Variants in MRGPRX3 observed in about 807,000 individuals in gnomAD.
MRGPRX3 encodes the protein mas-related G protein-coupled receptor member X3.
A neutral mutation model predicts 16.5 loss-of-function variants in MRGPRX3; 14 were observed. That is an observed-to-expected ratio of 0.85 (90% confidence interval 0.56 to 1.33). The LOEUF (loss-of-function observed/expected upper bound fraction) is 1.33. Among genes scored for constraint, MRGPRX3 ranks in the 40% most tolerant of loss-of-function variants. MRGPRX3 has a pLI of 0.00. For missense variants in MRGPRX3, 449 were observed against 413.0 expected (o/e 1.09, Z -0.76); for synonymous variants, 199 against 180.1 (o/e 1.10, Z -0.84).
chr11:18,123,934 T>A (rs1848865356), intron 1 of MRGPRX3, among the ~76,000 whole-genome samples: 1 of 152,218 alleles, frequency 6.6e-6, no homozygotes, highest in African/African-American at 2.4e-5. Context: ...CTAGGTTCTT[T>A]ATTCTCTTTG....
At chr11:18,128,694 G>A (rs994003255), upstream of MRGPRX3, among the ~76,000 whole-genome samples, 1 of 152,236 alleles carries the variant, frequency 6.6e-6, no homozygotes, top group African/African-American at 2.4e-5. Flanking sequence ...TTCTTGGCTA[G>A]GAAAGGGAAT....
At chr11:18,127,763 T>C (rs1848916924), upstream of MRGPRX3, among the ~76,000 whole-genome samples, 1 of 152,228 alleles carries the variant, frequency 6.6e-6, no homozygotes, top group South Asian at 2.1e-4. Context: ...AGGCTTCTTC[T>C]CTCAACTTGT....
At chr11:18,136,094 C>G (rs1849005345) in intron 1 of MRGPRX3, among the ~76,000 whole-genome samples, 2 of 152,124 alleles carry the variant, frequency 1.3e-5, no homozygotes, top group Admixed American at 1.3e-4. Context: ...CACTCATGGA[C>G]TCCTCTCATA....
chr11:18,123,342 T>C (rs1848859496), intron 1 of MRGPRX3, among the ~76,000 whole-genome samples: 1 of 152,206 alleles, frequency 6.6e-6, no homozygotes, highest in Admixed American at 6.5e-5. Flanking sequence ...AAGTCTTTAA[T>C]CCATCTTGAA....
chr11:18,137,051 G>A (rs1447372085), intron 1 of MRGPRX3, 127 bp from the exon 2 acceptor site: 3 of 1,017,460 alleles, frequency 2.9e-6, no homozygotes, highest in Non-Finnish European at 4.3e-6. Flanking sequence ...CCTTTTGATA[G>A]GTGACTTATT....
intron 1 of MRGPRX3, among the ~76,000 whole-genome samples, chr11:18,122,114 ATTGCTTGCATGCAAAAAAAT>A: frequency 9.9e-6 from 1 of 101,038 alleles, no homozygotes; most frequent in Non-Finnish European, 2.5e-5. Context: ...AAAAAACTGC[ATTGCTTGCATGCAAAAAAAT>A]CTGCATTGCA....
At chr11:18,123,199 C>T (rs189132835) in intron 1 of MRGPRX3, among the ~76,000 whole-genome samples, 7,732 of 152,156 alleles carry the variant, frequency 0.051, 652 homozygotes, top group African/African-American at 0.18. Flanking sequence ...TCATTAGATC[C>T]CATTTGTCAA....
Position 18,137,295 on chromosome 11 carries a change from G to T in MRGPRX3, c.93G>T (p.Thr31=). The change falls in exon 2 of 2, where the codon ACG becomes ACT. Residue 31 remains threonine (T), a synonymous_variant. Coordinates refer to ENST00000621697, the MANE Select transcript of MRGPRX3 (RefSeq NM_001370464.1). ...GCTACAAGCAGACCCTGAGCTTCAC[G>T]GGGCTGACGTGCATCGTTTCCCTTG... is the stretch of plus-strand genomic sequence containing the variant. ...TPCYKQTLSF[T]GLTCIVSLVA... 1 of 1,614,112 alleles carries T rather than the reference G, an allele frequency of 6.2e-7. No homozygotes were observed. Among genetic ancestry groups the T allele is most frequent in the Non-Finnish European group, 8.5e-7 (1 of 1,180,020 alleles).
chr11:18,122,972 G>A (rs1453336599), intron 1 of MRGPRX3, among the ~76,000 whole-genome samples: 1 of 152,106 alleles, frequency 6.6e-6, no homozygotes, highest in Non-Finnish European at 1.5e-5. Flanking sequence ...TCTTTTGGCT[G>A]CATAAATGTC....
At chr11:18,130,592 G>A (rs1205140743), upstream of MRGPRX3, among the ~76,000 whole-genome samples, 33 of 150,564 alleles carry the variant, frequency 2.2e-4, no homozygotes, top group Admixed American at 2.2e-3. Flanking sequence ...TGACCATATT[G>A]CCAAAAGCAA....
upstream of MRGPRX3, among the ~76,000 whole-genome samples, chr11:18,129,855 G>C (rs1264767151): frequency 2.0e-5 from 3 of 152,154 alleles, no homozygotes; most frequent in African/African-American, 7.2e-5. Context: ...TTTCATACCA[G>C]GGGTGCAGGA....
In MRGPRX3 at chr11:18,125,989, T is replaced by C. The variant is rs535473276; in HGVS notation, c.-152+4825T>C. Among the ~76,000 whole-genome samples the C allele has an allele frequency of 3.3e-5, 5 of 152,350 alleles. No homozygotes were observed. In the East Asian group the frequency reaches 7.7e-4, roughly 23 times the overall value. The stretch of plus-strand genomic sequence containing the variant: ...ATCTTTGTTGGTTTAAAGTCTGTTT[T>C]ATCAGAGACTAGAATTGCAACCCCT... On this transcript the variant is annotated intron_variant, in intron 1 of 2. Transcript: ENST00000396275.
exon 1 of MRGPRX3, chr11:18,121,124 T>C (rs1342810010): frequency 7.5e-6 from 1 of 133,328 alleles, no homozygotes; most frequent in Non-Finnish European, 1.6e-5. Flanking sequence ...CCGTCTGGGA[T>C]GTGAGGAGCG....
At chr11:18,136,490 A>G (rs567214524) in intron 1 of MRGPRX3, among the ~76,000 whole-genome samples, 1 of 152,348 alleles carries the variant, frequency 6.6e-6, no homozygotes, top group East Asian at 1.9e-4. Context: ...TTCTTCATCT[A>G]ATTATATGTG....
chr11:18,129,229 A>C (rs1848935192), upstream of MRGPRX3, among the ~76,000 whole-genome samples: 2 of 152,210 alleles, frequency 1.3e-5, no homozygotes, highest in African/African-American at 4.8e-5. Flanking sequence ...AAACAAACAA[A>C]AGATAAATGA....
chr11:18,131,873 T>C (rs1291818635), upstream of MRGPRX3, among the ~76,000 whole-genome samples: 1 of 151,956 alleles, frequency 6.6e-6, no homozygotes, highest in Non-Finnish European at 1.5e-5. Flanking sequence ...CACGAAGGCA[T>C]AGAATGATAT....
At chr11:18,123,871 T>C in intron 1 of MRGPRX3, among the ~76,000 whole-genome samples, 1 of 152,188 alleles carries the variant, frequency 6.6e-6, no homozygotes, top group Non-Finnish European at 1.5e-5. Flanking sequence ...CATTGAGCAG[T>C]GGTTTGTAGT....
At chr11:18,127,204 T>A (rs934282016) in intron 1 of MRGPRX3, among the ~76,000 whole-genome samples, 3 of 152,224 alleles carry the variant, frequency 2.0e-5, no homozygotes, top group Non-Finnish European at 4.4e-5. Flanking sequence ...GCCCTTAACA[T>A]TTTTTCCTAC....
intron 1 of MRGPRX3, among the ~76,000 whole-genome samples, chr11:18,122,009 TA>T (rs1314440002): frequency 1.0e-4 from 9 of 86,172 alleles, no homozygotes; most frequent in African/African-American, 3.2e-4. Context: ...AAATAAAATT[TA>T]AAAAAAAAGA....
Sources: allele counts gnomAD v4.1 joint callset (sites outside exome capture counted in the v4.1 genomes callset), GRCh38; gene constraint gnomAD v4.1.1; transcripts MANE v1.5; gene names NCBI Gene and HGNC (gene_info 2026-07-23, HGNC 2026-07-21).